Variants in ZNF106 observed in about 807,000 individuals in gnomAD.
ZNF106 encodes zinc finger protein 106.
A neutral mutation model predicts 195.1 loss-of-function variants in ZNF106; 67 were observed. The observed-to-expected ratio is 0.34, with a 90% CI of 0.28 to 0.42. The LOEUF is 0.42. Ranked by LOEUF, ZNF106 falls within the 10% of genes least tolerant of loss-of-function variation. The probability of loss-of-function intolerance (pLI) is 1.00; values close to 1 mark genes in which losing one functional copy is unlikely to be tolerated. For synonymous variants in ZNF106, 784 were observed against 818.6 expected, an observed-to-expected ratio of 0.96 and a Z score of 0.72; for missense variants, 2,118 against 2,304.5, an observed-to-expected ratio of 0.92 and a Z score of 1.66.
intron 20 of ZNF106, among the ~76,000 whole-genome samples, chr15:42,418,991 C>T (rs1042019950): frequency 9.4e-5 from 14 of 148,802 alleles, no homozygotes; most frequent in Admixed American, 4.1e-4. Flanking sequence ...TTTGGGAGGC[C>T]GAGGTGGGTG....
intron 1 of ZNF106, among the ~76,000 whole-genome samples, chr15:42,487,234 C>T (rs1288147136): frequency 1.3e-5 from 2 of 151,952 alleles, no homozygotes; most frequent in Non-Finnish European, 2.9e-5. Flanking sequence ...ATAATCCTAG[C>T]ACTTTGGGAG....
intron 2 of ZNF106, among the ~76,000 whole-genome samples, chr15:42,468,185 T>G (rs1457885949): frequency 6.7e-6 from 1 of 150,034 alleles, no homozygotes; most frequent in Non-Finnish European, 1.5e-5. Flanking sequence ...CAAGAGTTTC[T>G]CCTGCCTCAG....
At chr15:42,430,741 C>G (rs1271828301) in intron 14 of ZNF106, among the ~76,000 whole-genome samples, 1 of 152,024 alleles carries the variant, frequency 6.6e-6, no homozygotes, top group African/African-American at 2.4e-5. Flanking sequence ...TTTGTCCTAT[C>G]TTAAGTTACG....
Position 42,417,965 on chromosome 15 carries a change from A to C in ZNF106, c.5518-14T>G. 6.2e-6 allele frequency: 10 copies of C among 1,609,148 alleles called. No individual in the cohort carries two copies. Among genetic ancestry groups the C allele is most frequent in the Non-Finnish European group, 8.5e-6 (10 of 1,177,800 alleles). ...GCAACCATGCCACTGGAGAGAAAGA[A>C]AATGAGGAGACTCGGTGAAAAAGGG... On this transcript the variant is annotated splice_polypyrimidine_tract_variant and intron_variant, in intron 20 of 21. Transcript: ENST00000564754.
rs2054983577 is a variant in ZNF106, at chr15:42,429,636, A to G, written c.4882-1502T>C. On this transcript the variant is annotated intron_variant, in intron 14 of 21. Coordinates refer to ENST00000564754, the MANE Select transcript of ZNF106 (RefSeq NM_001366845.3). Reference sequence around the variant, plus strand: ...AAGAGTCAGTCACTTAAATTATTCAATTTCTCCCCTGAAAAAATCACAAAC... The same window carrying G: ...AAGAGTCAGTCACTTAAATTATTCAGTTTCTCCCCTGAAAAAATCACAAAC... Among the ~76,000 whole-genome samples, 3 of 152,034 alleles carry G rather than the reference A, an allele frequency of 2.0e-5. No individual in the cohort carries two copies. In the South Asian group the frequency reaches 6.2e-4, roughly 32 times the overall value.
At chr15:42,489,873 T>C (rs751341168) in intron 1 of ZNF106, among the ~76,000 whole-genome samples, 6 of 151,732 alleles carry the variant, frequency 4.0e-5, no homozygotes, top group Non-Finnish European at 5.9e-5. Flanking sequence ...TCGTCTCTAC[T>C]AAAAATACAA....
In ZNF106 at chr15:42,451,752, A is replaced by G; in HGVS notation, c.520T>C (p.Leu174=). ...NTRKNSFPHS[L]RNGGGPRGRS... ...CCTCTTGGTCCACCACCATTCCTCA[A>G]AGAATGTGGAAAGCTGTTTTTCCTA... is the stretch of plus-strand genomic sequence containing the variant. Residue 174 remains leucine, a synonymous_variant, in exon 5 of 22, where the codon TTG becomes CTG. Coordinates refer to ENST00000564754, the MANE Select transcript of ZNF106 (RefSeq NM_001366845.3). 6.2e-7 allele frequency: 1 copy of G among 1,614,178 alleles called. No individual in the cohort carries two copies. The highest frequency in any genetic ancestry group is 1.1e-5 in the South Asian group (1 of 91,086).
intron 14 of ZNF106, 89 bp downstream of exon 14, chr15:42,435,295 G>T (rs1224123720): frequency 3.3e-5 from 51 of 1,547,712 alleles, no homozygotes; most frequent in Non-Finnish European, 4.2e-5. Flanking sequence ...TGGGTAGAAT[G>T]AAGCGTCTGC....
chr15:42,434,273 C>T (rs2141297996), intron 14 of ZNF106, among the ~76,000 whole-genome samples: 1 of 152,258 alleles, frequency 6.6e-6, no homozygotes, highest in Non-Finnish European at 1.5e-5. Context: ...GACTGCCTGA[C>T]CTCAGGAGTT....
In ZNF106 at chr15:42,463,087, C is replaced by T. The variant is rs554328446; in HGVS notation, c.116+2966G>A. On this transcript the variant is annotated intron_variant, in intron 3 of 21. Transcript: ENST00000564754. The stretch of plus-strand genomic sequence containing the variant: ...GTGCTGGGATTATAGGCACGAGCAC[C>T]GCGGCCGGCCCAAACTTTTAAAAAT... Among the ~76,000 whole-genome samples, 153 of 152,108 alleles carry T rather than the reference C, an allele frequency of 1.0e-3. 1 individual carries two copies. Among genetic ancestry groups the T allele is most frequent in the African/African-American group, 3.1e-3 (130 of 41,504 alleles).
intron 11 of ZNF106, 89 bp from the exon 12 acceptor site, chr15:42,438,756 A>C (rs2055382016): frequency 4.9e-6 from 6 of 1,215,262 alleles, no homozygotes; most frequent in South Asian, 1.3e-5. Context: ...GGATTTTTCT[A>C]AACAATGGGC....
chr15:42,430,534 C>G (rs367556638), intron 14 of ZNF106, among the ~76,000 whole-genome samples: 4 of 151,720 alleles, frequency 2.6e-5, no homozygotes, highest in African/African-American at 7.3e-5. Context: ...CGTGGGCCAT[C>G]GCGCATGCCT....
chr15:42,439,058 G>A lies in ZNF106; in HGVS notation c.4519C>T (p.Arg1507Cys), dbSNP rs985485414. The A allele has an allele frequency of 1.6e-5, 26 of 1,613,570 alleles. No homozygotes were observed. The highest frequency in any genetic ancestry group is 1.6e-4 in the Middle Eastern group (1 of 6,084). ...EVSSTSEIGTRYKDGIPVSVA... is the reference protein window; with the variant it reads ...EVSSTSEIGTCYKDGIPVSVA... ...CTTACAGGGATGCCATCTTTATAGC[G>A]AGTGCCAATTTCACTGGTAGAGCTA... The change falls in exon 11 of 22, where the codon CGC (arginine) becomes TGC (cysteine). Residue 1507 changes from arginine to cysteine, a missense_variant. By Grantham distance (180) the Arg-to-Cys change is radical (BLOSUM62 -3). Coordinates refer to ENST00000564754, the MANE Select transcript of ZNF106 (RefSeq NM_001366845.3).
intron 7 of ZNF106, among the ~76,000 whole-genome samples, chr15:42,446,186 C>G (rs2055761663): frequency 6.6e-6 from 1 of 152,160 alleles, no homozygotes; most frequent in Admixed American, 6.6e-5. Context: ...TCCTCTTAAG[C>G]AAGGCAACAA....
At position 42,450,697 on chromosome 15, in the gene ZNF106, G is replaced by A. The variant is rs2055980687; in HGVS notation, c.1575C>T (p.Tyr525=). Residue 525 remains tyrosine, a synonymous_variant, in exon 5 of 22, where the codon TAC becomes TAT. Coordinates refer to ENST00000564754, the MANE Select transcript of ZNF106 (RefSeq NM_001366845.3). The stretch of plus-strand genomic sequence containing the variant: ...GACATGAACTACGCAGTTTGGATAT[G>A]TAAGGACCATGGTTATCTTCCACAG... The part of the protein sequence containing the change: ...KPTVEDNHGP[Y]ISKLRSSCPH... 1.9e-6 allele frequency: 3 copies of A among 1,614,160 alleles called. No individual in the cohort carries two copies. Among genetic ancestry groups the A allele is most frequent in the Non-Finnish European group, 2.5e-6 (3 of 1,180,024 alleles).
chr15:42,445,958 G>C (rs138687260), intron 7 of ZNF106, among the ~76,000 whole-genome samples: 1 of 152,238 alleles, frequency 6.6e-6, no homozygotes. Flanking sequence ...GTGGGGCAGC[G>C]GGGAAGCAAC....
intron 3 of ZNF106, among the ~76,000 whole-genome samples, chr15:42,464,231 T>C (rs1352734388): frequency 6.8e-6 from 1 of 147,296 alleles, no homozygotes; most frequent in East Asian, 1.9e-4. Flanking sequence ...TCCCAGCTAC[T>C]CAGGAGGGTG....
At position 42,444,879 on chromosome 15, in the gene ZNF106, G is replaced by A. The variant is rs772221968; in HGVS notation, c.3308C>T (p.Ala1103Val). The change falls in exon 8 of 22, where the codon GCC (alanine) becomes GTC (valine). Residue 1103 changes from alanine (A) to valine (V), a missense_variant. Coordinates refer to ENST00000564754, the MANE Select transcript of ZNF106 (RefSeq NM_001366845.3). The stretch of plus-strand genomic sequence containing the variant: ...AACTTCCACATAAGCTGTCTGAAGG[G>A]CTGCACGGGCTTGCAGAAGATTGTT... ...MDNNLLQARAALQTAYVEVQR... is the reference protein window; with the variant it reads ...MDNNLLQARAVLQTAYVEVQR... 1.1e-5 allele frequency: 17 copies of A among 1,614,196 alleles called. No homozygotes were observed. Among genetic ancestry groups the A allele is most frequent in the Non-Finnish European group, 1.3e-5 (15 of 1,180,036 alleles).
intron 2 of ZNF106, among the ~76,000 whole-genome samples, chr15:42,470,079 G>T (rs1174781246): frequency 1.3e-5 from 2 of 152,042 alleles, no homozygotes; most frequent in Non-Finnish European, 2.9e-5. Flanking sequence ...CAAAAAATAT[G>T]ACCAGGTGTA....
Sources: gnomAD v4.1 joint callset for allele counts (sites outside exome capture counted in the v4.1 genomes callset) on GRCh38, gnomAD v4.1.1 for gene constraint, MANE v1.5 for transcripts, NCBI Gene and HGNC (gene_info 2026-07-23, HGNC 2026-07-21) for gene names.